B3GALT2: variants seen among roughly 807,000 people sequenced by gnomAD.
B3GALT2 encodes UDP-Gal:betaGlcNAc beta 1,3-galactosyltransferase, polypeptide 2.
In B3GALT2, 13 loss-of-function variants were observed where a neutral mutation model predicts 33.5. That is an observed-to-expected ratio of 0.39 (90% confidence interval 0.25 to 0.62). The LOEUF (loss-of-function observed/expected upper bound fraction) is 0.62, where lower values mean the gene tolerates loss of function less well. B3GALT2 is among the 20% of genes least tolerant of loss of function. The pLI, the probability that B3GALT2 is intolerant of heterozygous loss-of-function variation, is 0.53. For synonymous variants in B3GALT2, 195 were observed against 172.7 expected (o/e 1.13, Z -1.01); for missense variants, 418 against 509.1 (o/e 0.82, Z 1.72).
chr1:193,181,269 G>A lies in B3GALT2; in HGVS notation c.294C>T (p.Asn98=). The stretch of plus-strand genomic sequence containing the variant: ...GTGGTGACAGGTCTGTGTTATTAGA[G>A]TTAGTTGCTGTTTGAGGCCTCAGGG... ...PQTLRPQTAT[N]SNNTDLSPQG... Residue 98 remains asparagine, a synonymous_variant, in exon 2 of 2, where the codon AAC becomes AAT. Transcript: ENST00000367434. 4 of 1,614,046 alleles carry A rather than the reference G, an allele frequency of 2.5e-6. No homozygotes were observed. Among genetic ancestry groups the A allele is most frequent in the Admixed American group, 1.7e-5 (1 of 59,996 alleles).
intron 1 of B3GALT2, among the ~76,000 whole-genome samples, chr1:193,184,552 T>C (rs1539725): frequency 0.32 from 49,257 of 151,750 alleles, 9,542 homozygotes; most frequent in South Asian, 0.58. Context: ...TGTAAAATGC[T>C]GTTCAGTACA....
In B3GALT2 at chr1:193,179,692, A is replaced by G. The variant is rs1676677809; in HGVS notation, c.*602T>C. On this transcript the variant is annotated 3_prime_UTR_variant, in exon 2 of 2. Coordinates refer to ENST00000367434, the MANE Select transcript of B3GALT2 (RefSeq NM_003783.3). Reference sequence around the variant, plus strand: ...ATTAATAAAAGAAAGTATTAATAAAAGAAATTTAAAATAATATCTCAGTTA... The same window carrying G: ...ATTAATAAAAGAAAGTATTAATAAAGGAAATTTAAAATAATATCTCAGTTA... 1 of 152,602 alleles carries G rather than the reference A, an allele frequency of 6.6e-6. No individual in the cohort carries two copies. The highest frequency in any genetic ancestry group is 2.4e-5 in the African/African-American group (1 of 41,472). The allele number at this position is 152,602 out of a possible 1,614,324, so 9.5% of individuals were successfully genotyped here. A position where few individuals can be genotyped will look rare whatever the true frequency, so the allele number is the denominator to read the frequency against.
intron 1 of B3GALT2, among the ~76,000 whole-genome samples, chr1:193,184,358 CT>C (rs1164207789): frequency 5.9e-5 from 9 of 151,776 alleles, no homozygotes; most frequent in Non-Finnish European, 1.5e-5. Flanking sequence ...CAGTTATTGC[CT>C]GTTGTATTTT....
In B3GALT2 at chr1:193,181,253, G is replaced by A. The variant is rs1676710258; in HGVS notation, c.310C>T (p.Leu104=). ...AGGCCTGTAACTCCTTGTGGTGACA[G>A]GTCTGTGTTATTAGAGTTAGTTGCT... ...QTATNSNNTD[L]SPQGVTGLEN... The change falls in exon 2 of 2, where the codon CTG becomes TTG. Residue 104 remains leucine, a synonymous_variant. Transcript: ENST00000367434. The A allele has an allele frequency of 3.7e-6, 6 of 1,613,982 alleles. No homozygotes were observed. The highest frequency in any genetic ancestry group is 5.1e-6 in the Non-Finnish European group (6 of 1,179,982).
chr1:193,185,049 C>A (rs1036471092), intron 1 of B3GALT2, among the ~76,000 whole-genome samples: 1 of 152,008 alleles, frequency 6.6e-6, no homozygotes, highest in African/African-American at 2.4e-5. Context: ...CTGTGCCCTG[C>A]ACACACATAT....
In B3GALT2 at chr1:193,181,429, T is replaced by G; in HGVS notation, c.134A>C (p.His45Pro). The G allele has an allele frequency of 6.2e-7, 1 of 1,614,096 alleles. No individual in the cohort carries two copies. The change falls in exon 2 of 2, where the codon CAT becomes CCT. Residue 45 changes from histidine to proline, a missense_variant. His to Pro is a moderately conservative substitution (Grantham distance 77). Transcript: ENST00000367434. ...FLFAMFLFFN[H>P]HDWLPGRAGF... ...AGCTCTGCCTGGCAGCCAGTCATGA[T>G]GATTGAAAAACAAAAACATAGCAAA... is the stretch of plus-strand genomic sequence containing the variant.
rs370273954 is a variant in B3GALT2 at position 193,180,569 on chromosome 1, A to G, written c.994T>C (p.Leu332=). ...TCCAAGTGCAAACGGCGGATACCTA[A>G]AGAAACTTTAAAAATCTTTTCTGCC... ...DLAEKIFKVS[L]GIRRLHLEDV... The change falls in exon 2 of 2, where the codon TTA becomes CTA. Residue 332 remains leucine, a synonymous_variant. Coordinates refer to ENST00000367434, the MANE Select transcript of B3GALT2 (RefSeq NM_003783.3). 5.0e-6 allele frequency: 8 copies of G among 1,614,036 alleles called. No individual in the cohort carries two copies. In the African/African-American group the frequency reaches 1.1e-4, roughly 22 times the overall value.
rs978945309 is a variant in B3GALT2 at position 193,179,844 on chromosome 1, T to C, written c.*450A>G. The C allele has an allele frequency of 2.0e-5, 3 of 152,676 alleles. No individual in the cohort carries two copies. Among genetic ancestry groups the C allele is most frequent in the African/African-American group, 7.2e-5 (3 of 41,460 alleles). The allele number at this position is 152,676 out of a possible 1,614,324, so 9.5% of individuals were successfully genotyped here. A position where few individuals can be genotyped will look rare whatever the true frequency, so the allele number is the denominator to read the frequency against. ...ACCCTAAAATAGGTCAAAAAATTTATCCTTTGCACAATTAAAAAGTTTCCT... is the reference window on the plus strand; with the variant it reads ...ACCCTAAAATAGGTCAAAAAATTTACCCTTTGCACAATTAAAAAGTTTCCT... On this transcript the variant is annotated 3_prime_UTR_variant, in exon 2 of 2. Coordinates refer to ENST00000367434, the MANE Select transcript of B3GALT2 (RefSeq NM_003783.3).
chr1:193,182,066 A>G (rs960415532), intron 1 of B3GALT2, among the ~76,000 whole-genome samples: 5 of 152,198 alleles, frequency 3.3e-5, no homozygotes, highest in Admixed American at 3.3e-4. Flanking sequence ...ATTAATTAAA[A>G]TTGATTTGAC....
At chr1:193,181,758 G>A (rs1407995507) in intron 1 of B3GALT2, 76 bp from the exon 2 acceptor site, 2 of 510,702 alleles carry the variant, frequency 3.9e-6, no homozygotes, top group African/African-American at 4.0e-5. Context: ...AGGGCAAATA[G>A]GAATGTCTTA....
chr1:193,182,375 G>T (rs1676731862), intron 1 of B3GALT2, among the ~76,000 whole-genome samples: 1 of 152,044 alleles, frequency 6.6e-6, no homozygotes, highest in African/African-American at 2.4e-5. Context: ...TGATATAATT[G>T]TTCTTAGACT....
rs1341824223 is a variant in B3GALT2 at position 193,186,103 on chromosome 1, C to G, written c.-205G>C. ...CGCCATCACTTCAGCAAAAAAGATG[C>G]TATCGAACATGCGCACATCCCCCAA... is the stretch of plus-strand genomic sequence containing the variant. On this transcript the variant is annotated 5_prime_UTR_variant, in exon 1 of 2. An upstream open reading frame in the 5' UTR loses its in-frame stop. Coordinates refer to ENST00000367434, the MANE Select transcript of B3GALT2 (RefSeq NM_003783.3). 6.5e-6 allele frequency: 1 copy of G among 153,030 alleles called. No individual in the cohort carries two copies. Among genetic ancestry groups the G allele is most frequent in the South Asian group, 2.1e-4 (1 of 4,830 alleles). The allele number at this position is 153,030 out of a possible 1,614,324, so 9.5% of individuals were successfully genotyped here.
rs780792859 is a variant in B3GALT2, at chr1:193,180,705, A to G, written c.858T>C (p.Tyr286=). 31 of 1,613,992 alleles carry G rather than the reference A, an allele frequency of 1.9e-5. No individual in the cohort carries two copies. In the South Asian group the frequency reaches 3.0e-4, roughly 15 times the overall value. Residue 286 remains tyrosine, a synonymous_variant, in exon 2 of 2, where the codon TAT becomes TAC. Transcript: ENST00000367434. ...NYFTGYLMRG[Y]APNRNKDSKW... Reference sequence around the variant, plus strand: ...TGCTATCTTTGTTTCGATTGGGTGCATATCCTCGCATTAGGTAACCAGTGA... The same window carrying G: ...TGCTATCTTTGTTTCGATTGGGTGCGTATCCTCGCATTAGGTAACCAGTGA...
chr1:193,183,400 A>G (rs1432899964), intron 1 of B3GALT2, among the ~76,000 whole-genome samples: 1 of 149,428 alleles, frequency 6.7e-6, no homozygotes, highest in Non-Finnish European at 1.5e-5. Context: ...TAAGTTTGGA[A>G]TTTTAAAAGC....
rs1676666183 is a variant in B3GALT2 at position 193,179,225 on chromosome 1, T to G, written c.*1069A>C. ...AATTAAAAACTGCAGGTTTGCAAAC[T>G]TGGCACTCCAAGAAAGAAATAGGTG... is the stretch of plus-strand genomic sequence containing the variant. On this transcript the variant is annotated 3_prime_UTR_variant, in exon 2 of 2. Coordinates refer to ENST00000367434, the MANE Select transcript of B3GALT2 (RefSeq NM_003783.3). 6.6e-6 allele frequency: 1 copy of G among 152,212 alleles called. No homozygotes were observed. The highest frequency in any genetic ancestry group is 2.1e-4 in the South Asian group (1 of 4,834). The allele number at this position is 152,212 out of a possible 1,614,324, so 9.4% of individuals were successfully genotyped here.
At position 193,186,543 on chromosome 1, in the gene B3GALT2, T is replaced by A. The variant is rs780379297; in HGVS notation, c.-645A>T. ...CAGGAAGGATTTTGAGCAGTTTTAA[T>A]GGGGTTTTAGTCTATAATATGAAAT... On this transcript the variant is annotated 5_prime_UTR_variant, in exon 1 of 2. Coordinates refer to ENST00000367434, the MANE Select transcript of B3GALT2 (RefSeq NM_003783.3). 6.6e-6 allele frequency: 1 copy of A among 152,540 alleles called. No individual in the cohort carries two copies. The highest frequency in any genetic ancestry group is 1.5e-5 in the Non-Finnish European group (1 of 68,044). 9.4% of individuals were successfully genotyped at this position (152,540 alleles called of 1,614,324 possible). A position where few individuals can be genotyped will look rare whatever the true frequency, so the allele number is the denominator to read the frequency against.
chr1:193,180,555 A>G lies in B3GALT2; in HGVS notation c.1008T>C (p.Arg336=). Residue 336 remains arginine, a synonymous_variant, in exon 2 of 2, where the codon CGT becomes CGC. Coordinates refer to ENST00000367434, the MANE Select transcript of B3GALT2 (RefSeq NM_003783.3). The part of the protein sequence containing the change: ...KIFKVSLGIR[R]LHLEDVYVGI... The stretch of plus-strand genomic sequence containing the variant: ...CTACATATACATCTTCCAAGTGCAA[A>G]CGGCGGATACCTAAAGAAACTTTAA... 1 of 1,614,090 alleles carries G rather than the reference A, an allele frequency of 6.2e-7. No individual in the cohort carries two copies. Among genetic ancestry groups the G allele is most frequent in the South Asian group, 1.1e-5 (1 of 91,078 alleles).
At chr1:193,183,526 T>G (rs1038831727) in intron 1 of B3GALT2, among the ~76,000 whole-genome samples, 1 of 151,036 alleles carries the variant, frequency 6.6e-6, no homozygotes, top group Non-Finnish European at 1.5e-5. Context: ...TGCTGTAAGC[T>G]AAGCTGAAAA....
rs539380780 is a variant in B3GALT2, at chr1:193,178,813, A to C, written c.*1481T>G. On this transcript the variant is annotated 3_prime_UTR_variant, in exon 2 of 2. Coordinates refer to ENST00000367434, the MANE Select transcript of B3GALT2 (RefSeq NM_003783.3). ...CACTTAAACAGTTTTAGTGTTTTCA[A>C]GTTTCACAAATGTTACAATTCTCTT... Among the ~76,000 whole-genome samples, 3 of 152,206 alleles carry C rather than the reference A, an allele frequency of 2.0e-5. No homozygotes were observed. Among genetic ancestry groups the C allele is most frequent in the African/African-American group, 7.2e-5 (3 of 41,456 alleles).
Sources: gnomAD v4.1 joint callset for allele counts (sites outside exome capture counted in the v4.1 genomes callset) on GRCh38, gnomAD v4.1.1 for gene constraint, MANE v1.5 for transcripts, NCBI Gene and HGNC (gene_info 2026-07-23, HGNC 2026-07-21) for gene names.